Variants in STAG1 observed in about 807,000 individuals in gnomAD.
The protein encoded by STAG1 is STAG1 cohesin complex component, also known as cohesin subunit SA-1.
In STAG1, 26 loss-of-function variants were observed where a neutral mutation model predicts 170.9. The observed-to-expected ratio is 0.15, with a 90% CI of 0.11 to 0.21. The LOEUF is 0.21. STAG1 is among the 10% of genes least tolerant of loss of function. STAG1 has a pLI of 1.00. For synonymous variants in STAG1, 514 were observed against 497.7 expected, an observed-to-expected ratio of 1.03 and a Z score of -0.44; for missense variants, 964 against 1,509.5, an observed-to-expected ratio of 0.64 and a Z score of 5.99.
chr3:136,470,556 A>T (rs1359561305), intron 12 of STAG1, among the ~76,000 whole-genome samples: 1 of 152,216 alleles, frequency 6.6e-6, no homozygotes. Flanking sequence ...AACTAGTTCA[A>T]CCATTGTGGA....
rs1289242241 is a variant in STAG1 at position 136,485,532 on chromosome 3, C to G, written c.903-8120G>C. 3.9e-5 allele frequency among the ~76,000 whole-genome samples: 6 copies of G among 152,138 alleles called. No homozygotes were observed. In the East Asian group the frequency reaches 7.7e-4, roughly 20 times the overall value. On this transcript the variant is annotated intron_variant, in intron 9 of 33. Transcript: ENST00000383202. ...TACATAATACTGAACATGCGTGGGA[C>G]AAGAATATTTCTTTTTTCAGACAAA...
At chr3:136,379,017 A>G (rs1937777009) in intron 22 of STAG1, among the ~76,000 whole-genome samples, 1 of 152,244 alleles carries the variant, frequency 6.6e-6, no homozygotes, top group Admixed American at 6.5e-5. Flanking sequence ...TGATACTTCA[A>G]AAATTACACA....
chr3:136,555,276 C>T (rs1023854499), intron 5 of STAG1, among the ~76,000 whole-genome samples: 1 of 151,706 alleles, frequency 6.6e-6, no homozygotes, highest in Non-Finnish European at 1.5e-5. Context: ...ACCTGGGAGG[C>T]TGAGGCAGGA....
chr3:136,424,836 T>A (rs1371265159), intron 16 of STAG1, among the ~76,000 whole-genome samples: 1 of 152,164 alleles, frequency 6.6e-6, no homozygotes, highest in East Asian at 1.9e-4. Flanking sequence ...GAGATATGCA[T>A]AAGATTATTC....
intron 1 of STAG1, among the ~76,000 whole-genome samples, chr3:136,688,181 T>C (rs1014850967): frequency 1.3e-5 from 2 of 152,150 alleles, no homozygotes; most frequent in Non-Finnish European, 1.5e-5. Flanking sequence ...CTTTTTAAAA[T>C]GAAATGTGGA....
At chr3:136,366,429 C>T (rs576293520) in intron 25 of STAG1, among the ~76,000 whole-genome samples, 1 of 152,206 alleles carries the variant, frequency 6.6e-6, no homozygotes, top group African/African-American at 2.4e-5. Context: ...TTACTTAAAC[C>T]TCTGGCTACC....
chr3:136,365,443 G>A (rs906920621), intron 25 of STAG1, among the ~76,000 whole-genome samples: 1 of 152,074 alleles, frequency 6.6e-6, no homozygotes, highest in Admixed American at 6.6e-5. Context: ...GGTGCTAGAG[G>A]ACAGAGAAAG....
chr3:136,498,233 T>TACATATATATATATATATATATATAC (rs1933244525), intron 9 of STAG1, among the ~76,000 whole-genome samples: 1 of 57,492 alleles, frequency 1.7e-5, no homozygotes, highest in East Asian at 2.2e-3. Flanking sequence ...TATATATATA[T>TACATATATATATATATATATATATAC]ACACATACAT....
intron 12 of STAG1, among the ~76,000 whole-genome samples, chr3:136,466,505 A>G (rs1376100281): frequency 5.9e-5 from 9 of 152,354 alleles, no homozygotes; most frequent in South Asian, 2.1e-4. Flanking sequence ...GGACTACGTA[A>G]AAAGACCAAA....
chr3:136,388,489 C>T (rs1019105971), intron 22 of STAG1, among the ~76,000 whole-genome samples: 1 of 152,110 alleles, frequency 6.6e-6, no homozygotes, highest in East Asian at 1.9e-4. Flanking sequence ...TTGCCTCAGC[C>T]TCCTGAGTAG....
chr3:136,622,119 G>A (rs1430692367), intron 3 of STAG1, among the ~76,000 whole-genome samples: 5 of 112,632 alleles, frequency 4.4e-5, no homozygotes, highest in East Asian at 5.1e-4. Flanking sequence ...CCAACATGAC[G>A]AAACCCCATC....
At chr3:136,750,145 A>T (rs1326936886) in intron 1 of STAG1, among the ~76,000 whole-genome samples, 2 of 152,214 alleles carry the variant, frequency 1.3e-5, no homozygotes, top group Non-Finnish European at 2.9e-5. Context: ...TTTCACAGAC[A>T]TCTTGTTACA....
intron 6 of STAG1, among the ~76,000 whole-genome samples, chr3:136,541,216 A>C (rs1407678389): frequency 6.6e-6 from 1 of 152,156 alleles, no homozygotes; most frequent in Non-Finnish European, 1.5e-5. Flanking sequence ...CCTAGAAAAC[A>C]ACCAATATTT....
chr3:136,641,034 T>C (rs1940779527), intron 1 of STAG1, among the ~76,000 whole-genome samples: 1 of 152,190 alleles, frequency 6.6e-6, no homozygotes, highest in South Asian at 2.1e-4. Flanking sequence ...AACACTGCTA[T>C]AATTAGGAAA....
At chr3:136,453,587 T>C (rs1276993825) in intron 13 of STAG1, among the ~76,000 whole-genome samples, 1 of 128,030 alleles carries the variant, frequency 7.8e-6, no homozygotes, top group Admixed American at 7.4e-5. Context: ...CGAGACTATG[T>C]CTCAAAAAAA....
chr3:136,519,544 T>C (rs917451936), intron 7 of STAG1, among the ~76,000 whole-genome samples: 4 of 152,024 alleles, frequency 2.6e-5, no homozygotes, highest in East Asian at 1.9e-4. Context: ...GGTTTTTTTT[T>C]CCAAATTGCT....
chr3:136,477,185 AT>A (rs1234378706), intron 10 of STAG1, 103 bp downstream of exon 10: 1 of 1,285,370 alleles, frequency 7.8e-7, no homozygotes, highest in African/African-American at 1.5e-5. Flanking sequence ...AAATTTCCAC[AT>A]GATTACAACT....
At chr3:136,581,288 G>A (rs543046161) in intron 4 of STAG1, among the ~76,000 whole-genome samples, 2 of 152,076 alleles carry the variant, frequency 1.3e-5, no homozygotes, top group Non-Finnish European at 2.9e-5. Flanking sequence ...TCTACAAATC[G>A]GTAGAGCAAG....
At chr3:136,477,174 A>G in intron 10 of STAG1, 115 bp downstream of exon 10, 1 of 1,191,124 alleles carries the variant, frequency 8.4e-7, no homozygotes, top group Middle Eastern at 2.1e-4. Flanking sequence ...GCATCATCTT[A>G]AAATTTCCAC....
Sources: allele counts gnomAD v4.1 joint callset (sites outside exome capture counted in the v4.1 genomes callset), GRCh38; gene constraint gnomAD v4.1.1; transcripts MANE v1.5; gene names NCBI Gene and HGNC (gene_info 2026-07-23, HGNC 2026-07-21).